The following CAMKMT variants were observed in gnomAD, a reference collection of about 807,000 sequenced individuals.
The protein encoded by CAMKMT is calmodulin-lysine N-methyltransferase, also known as CaM KMT.
Under a neutral mutation model 48.0 loss-of-function variants are expected in CAMKMT, and 53 were observed. The ratio of observed to expected loss-of-function variants is 1.10; its 90% CI spans 0.89 to 1.39. The LOEUF (loss-of-function observed/expected upper bound fraction) is 1.39, where lower values mean the gene tolerates loss of function less well. Among genes scored for constraint, CAMKMT ranks in the 40% most tolerant of loss-of-function variants. The pLI is 0.00. For missense variants in CAMKMT, 428 were observed against 402.7 expected, an observed-to-expected ratio of 1.06 and a Z score of -0.54; for synonymous variants, 165 against 152.3, an observed-to-expected ratio of 1.08 and a Z score of -0.61.
At chr2:44,405,117 A>G (rs1286641364) in intron 3 of CAMKMT, among the ~76,000 whole-genome samples, 1 of 152,114 alleles carries the variant, frequency 6.6e-6, no homozygotes, top group African/African-American at 2.4e-5. Flanking sequence ...TTTTGTGTAT[A>G]TTAAAATCTA....
chr2:44,732,739 G>C (rs1679147982), intron 7 of CAMKMT, among the ~76,000 whole-genome samples: 2 of 152,068 alleles, frequency 1.3e-5, no homozygotes, highest in South Asian at 4.1e-4. Flanking sequence ...CTGTTCAAAT[G>C]CTTTGCTCAT....
chr2:44,646,036 A>G (rs1673711911), intron 3 of CAMKMT, among the ~76,000 whole-genome samples: 1 of 152,232 alleles, frequency 6.6e-6, no homozygotes, highest in Non-Finnish European at 1.5e-5. Context: ...TGCATGTTTA[A>G]TAATTTCTCT....
chr2:44,607,235 G>A (rs1382220535), intron 3 of CAMKMT, among the ~76,000 whole-genome samples: 1 of 152,120 alleles, frequency 6.6e-6, no homozygotes, highest in Non-Finnish European at 1.5e-5. Flanking sequence ...ATGCTGATGA[G>A]ATCATTCTAA....
intron 7 of CAMKMT, among the ~76,000 whole-genome samples, chr2:44,730,322 A>G (rs73924536): frequency 0.026 from 3,936 of 152,198 alleles, 144 homozygotes; most frequent in African/African-American, 0.089. Flanking sequence ...ACCTTCCCCA[A>G]CTTGTCCAGT....
intron 3 of CAMKMT, among the ~76,000 whole-genome samples, chr2:44,645,433 C>T (rs1466119314): frequency 6.6e-6 from 1 of 152,096 alleles, no homozygotes; most frequent in Non-Finnish European, 1.5e-5. Context: ...GTAGCACAGC[C>T]CTGGGCTCTA....
chr2:44,414,010 G>T (rs1240043200), intron 3 of CAMKMT, among the ~76,000 whole-genome samples: 2 of 152,154 alleles, frequency 1.3e-5, no homozygotes, highest in African/African-American at 4.8e-5. Context: ...GGCTCAGGGT[G>T]GCATTGTATT....
intron 3 of CAMKMT, among the ~76,000 whole-genome samples, chr2:44,411,600 T>C (rs1683206625): frequency 6.6e-6 from 1 of 152,184 alleles, no homozygotes; most frequent in Admixed American, 6.6e-5. Context: ...AAATCCTGAG[T>C]ACCAGACTTT....
chr2:44,579,846 G>A (rs941657992), intron 3 of CAMKMT, among the ~76,000 whole-genome samples: 8 of 152,180 alleles, frequency 5.3e-5, no homozygotes, highest in African/African-American at 9.7e-5. Context: ...TGCACAAATC[G>A]AAAGTCAGAC....
chr2:44,557,220 TTACTCA>T (rs1486934294), intron 3 of CAMKMT, among the ~76,000 whole-genome samples: 8 of 152,294 alleles, frequency 5.3e-5, no homozygotes, highest in Admixed American at 4.6e-4. Flanking sequence ...CACTTTAATC[TTACTCA>T]TATCTCTGTG....
intron 7 of CAMKMT, among the ~76,000 whole-genome samples, chr2:44,725,452 G>A (rs753536501): frequency 9.9e-5 from 15 of 152,090 alleles, no homozygotes; most frequent in Non-Finnish European, 1.8e-4. Context: ...GACAAGAGAT[G>A]GACATTTCCC....
chr2:44,759,629 T>G (rs1280394964), intron 9 of CAMKMT, among the ~76,000 whole-genome samples: 2 of 152,096 alleles, frequency 1.3e-5, no homozygotes, highest in African/African-American at 4.8e-5. Flanking sequence ...CACCAGTGCT[T>G]GGTGAGAAGT....
intron 3 of CAMKMT, among the ~76,000 whole-genome samples, chr2:44,410,247 ATT>A (rs1164693728): frequency 2.7e-3 from 52 of 19,448 alleles, no homozygotes; most frequent in African/African-American, 4.8e-3. Context: ...ATATATATAT[ATT>A]TTTTTTTTTT....
intron 3 of CAMKMT, among the ~76,000 whole-genome samples, chr2:44,431,406 G>C (rs1330074426): frequency 6.6e-6 from 1 of 152,004 alleles, no homozygotes; most frequent in Non-Finnish European, 1.5e-5. Context: ...ACTGTCAATG[G>C]GATAAAATGG....
chr2:44,751,622 C>T (rs770080321), intron 8 of CAMKMT, among the ~76,000 whole-genome samples: 5 of 152,146 alleles, frequency 3.3e-5, no homozygotes, highest in Non-Finnish European at 7.4e-5. Context: ...TAACACGTGT[C>T]CTTGTGCCTG....
rs192022919 is a variant in CAMKMT at position 44,639,578 on chromosome 2, C to G, written c.377-64705C>G. On this transcript the variant is annotated intron_variant, in intron 3 of 10. Transcript: ENST00000378494. ...CTTGCTAGGTATGAAAGCACTTTAGCTTAGTGCCTGATATTGGGAAAGCAC... is the reference window on the plus strand; with the variant it reads ...CTTGCTAGGTATGAAAGCACTTTAGGTTAGTGCCTGATATTGGGAAAGCAC... Among the ~76,000 whole-genome samples, 196 of 152,300 alleles carry G rather than the reference C, an allele frequency of 1.3e-3. 1 individual carries two copies. The highest frequency in any genetic ancestry group is 4.5e-3 in the African/African-American group (187 of 41,562).
chr2:44,448,770 G>T (rs2104584536), intron 3 of CAMKMT, among the ~76,000 whole-genome samples: 1 of 152,170 alleles, frequency 6.6e-6, no homozygotes, highest in African/African-American at 2.4e-5. Flanking sequence ...TCAGTGAGTG[G>T]ATAAACAAAA....
intron 3 of CAMKMT, among the ~76,000 whole-genome samples, chr2:44,544,458 C>A (rs1158576975): frequency 6.6e-6 from 1 of 152,168 alleles, no homozygotes; most frequent in Admixed American, 6.5e-5. Flanking sequence ...GGAGTCAGTA[C>A]ATTGGAAGTC....
intron 3 of CAMKMT, among the ~76,000 whole-genome samples, chr2:44,641,013 A>G (rs1673423908): frequency 2.0e-5 from 3 of 152,110 alleles, no homozygotes; most frequent in Admixed American, 2.0e-4. Flanking sequence ...CCTCCTTTTT[A>G]TGTTACAGAC....
chr2:44,741,430 G>A (rs1196190964), intron 7 of CAMKMT, among the ~76,000 whole-genome samples: 1 of 152,190 alleles, frequency 6.6e-6, no homozygotes, highest in Non-Finnish European at 1.5e-5. Context: ...TCCAGGTACT[G>A]TATGAATGGT....
Sources: allele counts gnomAD v4.1 joint callset (sites outside exome capture counted in the v4.1 genomes callset), GRCh38; gene constraint gnomAD v4.1.1; transcripts MANE v1.5; gene names NCBI Gene and HGNC (gene_info 2026-07-23, HGNC 2026-07-21).